CDH2: variants seen among roughly 807,000 people sequenced by gnomAD.
CDH2 encodes cadherin-2.
Under a neutral mutation model 92.0 loss-of-function variants are expected in CDH2, and 17 were observed. That is an observed-to-expected ratio of 0.18 (90% CI 0.13 to 0.28). The LOEUF (loss-of-function observed/expected upper bound fraction) is 0.28. Among genes scored for constraint, CDH2 ranks in the 10% least tolerant of loss-of-function variants. CDH2 has a pLI of 1.00. For synonymous variants in CDH2, 419 were observed against 415.9 expected (o/e 1.01, Z -0.09); for missense variants, 862 against 1,133.1 (o/e 0.76, Z 3.44).
intron 1 of CDH2, among the ~76,000 whole-genome samples, chr18:28,166,174 G>C (rs1941387): frequency 4.9e-5 from 2 of 40,728 alleles, no homozygotes; most frequent in Admixed American, 2.2e-4. Context: ...ATATATATAT[G>C]TCTGTATTTT....
chr18:27,981,107 T>C (rs1662731), intron 14 of CDH2, among the ~76,000 whole-genome samples: 105,088 of 151,994 alleles, frequency 0.69, 36,570 homozygotes, highest in East Asian at 0.94. Flanking sequence ...GGTTCTTGCC[T>C]CTGAGCCTCC....
At chr18:28,150,285 TCA>T (rs1308295852) in intron 1 of CDH2, among the ~76,000 whole-genome samples, 1 of 151,928 alleles carries the variant, frequency 6.6e-6, no homozygotes, top group Non-Finnish European at 1.5e-5. Flanking sequence ...CAGACGGGGG[TCA>T]CGTTTCAAAT....
intron 2 of CDH2, chr18:28,096,943 A>C (rs1306726502): frequency 1.3e-5 from 2 of 152,216 alleles, no homozygotes; most frequent in African/African-American, 2.4e-5. Context: ...AAAATATGCA[A>C]ATTTTTAGCA....
intron 2 of CDH2, among the ~76,000 whole-genome samples, chr18:28,034,683 TA>T (rs202127259): frequency 2.0e-5 from 3 of 147,572 alleles, no homozygotes; most frequent in Admixed American, 6.7e-5. Context: ...ACAACCACAA[TA>T]AAAAAAAACA....
intron 6 of CDH2, among the ~76,000 whole-genome samples, chr18:27,940,349 G>C (rs1046491164): frequency 6.6e-6 from 1 of 152,136 alleles, no homozygotes; most frequent in Non-Finnish European, 1.5e-5. Context: ...CTGTGGTCTT[G>C]GGTATATTGG....
intron 2 of CDH2, among the ~76,000 whole-genome samples, chr18:28,039,531 G>A (rs1190894371): frequency 6.6e-6 from 1 of 152,070 alleles, no homozygotes; most frequent in South Asian, 2.1e-4. Context: ...CTTGCCCCTA[G>A]GTCCCACAAC....
chr18:28,024,621 A>G (rs1255266603), intron 2 of CDH2, among the ~76,000 whole-genome samples: 1 of 151,678 alleles, frequency 6.6e-6, no homozygotes, highest in African/African-American at 2.4e-5. Flanking sequence ...CATTTTCTAC[A>G]TTCCTAGATA....
chr18:28,122,550 G>C lies in CDH2; in HGVS notation c.172+25123C>G, dbSNP rs148694259. Reference sequence around the variant, plus strand: ...ATTAATTATTGGACTCCATGGTAAAGAGTGGGGTGGTGCTATGTAATCTGA... The same window carrying C: ...ATTAATTATTGGACTCCATGGTAAACAGTGGGGTGGTGCTATGTAATCTGA... On this transcript the variant is annotated intron_variant, in intron 2 of 15. Coordinates refer to ENST00000269141, the MANE Select transcript of CDH2 (RefSeq NM_001792.5). 4.0e-3 allele frequency among the ~76,000 whole-genome samples: 613 copies of C among 152,276 alleles called. 7 individuals are homozygous for C. The highest frequency in any genetic ancestry group is 0.014 in the African/African-American group (594 of 41,576).
intron 2 of CDH2, among the ~76,000 whole-genome samples, chr18:28,018,357 C>T (rs1043827829): frequency 6.6e-6 from 1 of 151,998 alleles, no homozygotes; most frequent in African/African-American, 2.4e-5. Flanking sequence ...CATCAAAATG[C>T]CACCATTATT....
intron 2 of CDH2, among the ~76,000 whole-genome samples, chr18:28,106,106 C>T (rs1463350134): frequency 6.6e-6 from 1 of 152,192 alleles, no homozygotes; most frequent in Non-Finnish European, 1.5e-5. Context: ...TCACCATTAG[C>T]AAATGTGGGA....
At chr18:28,102,808 G>C (rs1017821962) in intron 2 of CDH2, among the ~76,000 whole-genome samples, 1 of 151,716 alleles carries the variant, frequency 6.6e-6, no homozygotes, top group Non-Finnish European at 1.5e-5. Flanking sequence ...AACTGAAATG[G>C]AAATTGGAAG....
At chr18:27,949,911 G>A (rs868571405), downstream of CDH2, among the ~76,000 whole-genome samples, 5 of 151,822 alleles carry the variant, frequency 3.3e-5, no homozygotes, top group Non-Finnish European at 7.4e-5. Flanking sequence ...CCTGTGAATT[G>A]TACATCAACC....
chr18:28,000,099 A>G (rs2012719041), intron 7 of CDH2, among the ~76,000 whole-genome samples: 1 of 152,052 alleles, frequency 6.6e-6, no homozygotes, highest in African/African-American at 2.4e-5. Flanking sequence ...GTATTTCTTT[A>G]TAGCAGTGTG....
chr18:28,077,630 C>T (rs1040151278), intron 2 of CDH2, among the ~76,000 whole-genome samples: 8 of 152,098 alleles, frequency 5.3e-5, no homozygotes, highest in African/African-American at 1.7e-4. Context: ...GTGGCTCACG[C>T]CTGTAATCCC....
chr18:27,973,076 C>T (rs555311386), intron 14 of CDH2, among the ~76,000 whole-genome samples: 2 of 152,254 alleles, frequency 1.3e-5, no homozygotes, highest in Admixed American at 6.5e-5. Context: ...TTGAAGTTCG[C>T]AATCCTAAAA....
chr18:28,158,835 A>G (rs2016261630), intron 1 of CDH2, among the ~76,000 whole-genome samples: 1 of 152,212 alleles, frequency 6.6e-6, no homozygotes, highest in Admixed American at 6.5e-5. Context: ...ATTAAGCCAG[A>G]CATTAAAGAC....
At chr18:27,954,612 C>G (rs1425488463) in intron 15 of CDH2, 2 of 152,142 alleles carry the variant, frequency 1.3e-5, no homozygotes, top group African/African-American at 2.4e-5. Context: ...CAGACTACAG[C>G]TGACTTACAA....
At chr18:27,980,871 T>C (rs1201047997) in intron 14 of CDH2, among the ~76,000 whole-genome samples, 1 of 151,782 alleles carries the variant, frequency 6.6e-6, no homozygotes, top group Non-Finnish European at 1.5e-5. Context: ...AGTTGTAGAT[T>C]TATGATATTA....
chr18:28,095,891 A>AG (rs1209209590), intron 2 of CDH2, among the ~76,000 whole-genome samples: 4 of 152,112 alleles, frequency 2.6e-5, no homozygotes, highest in Non-Finnish European at 5.9e-5. Context: ...AATACATACA[A>AG]GGTACAATAG....
Sources: gnomAD v4.1 joint callset for allele counts (sites outside exome capture counted in the v4.1 genomes callset) on GRCh38, gnomAD v4.1.1 for gene constraint, MANE v1.5 for transcripts, NCBI Gene and HGNC (gene_info 2026-07-23, HGNC 2026-07-21) for gene names.